Variants in SFI1 observed in about 807,000 individuals in gnomAD.
SFI1 encodes the protein protein SFI1 homolog.
SFI1 carries 195 observed loss-of-function variants against 207.5 expected under a neutral mutation model. The ratio of observed to expected loss-of-function variants is 0.94; its 90% confidence interval spans 0.84 to 1.06. The LOEUF (loss-of-function observed/expected upper bound fraction) is 1.06. SFI1 is among the 50% of genes least tolerant of loss of function. The pLI, the probability that SFI1 is intolerant of heterozygous loss-of-function variation, is 0.00. For synonymous variants in SFI1, 630 were observed against 598.9 expected (o/e 1.05, Z -0.76); for missense variants, 1,634 against 1,588.0 (o/e 1.03, Z -0.49).
In SFI1 at chr22:31,615,127, GC is replaced by G; in HGVS notation, c.3152del (p.Pro1051ArgfsTer136). 2 of 1,608,946 alleles carry G rather than the reference GC, an allele frequency of 1.2e-6. No homozygotes were observed. Among genetic ancestry groups the G allele is most frequent in the Non-Finnish European group, 8.5e-7 (1 of 1,178,012 alleles). On this transcript the variant is annotated frameshift_variant, in exon 29 of 33. Coordinates refer to ENST00000400288, the MANE Select transcript of SFI1 (RefSeq NM_001007467.3). LOFTEE classifies it high-confidence loss of function. ...CCTGACGCGGCCCTTCCTGGCAGAG[GC>G]CCCGACAGCACTGGTCCCACACAGC... Reference protein sequence around the residue: ...PSLTRPFLAEAPTALVPHSPL... With the variant: ...PSLTRPFLAEXPTALVPHSPL...
chr22:31,574,250 T>C (rs1351337217), intron 9 of SFI1, among the ~76,000 whole-genome samples: 5 of 152,214 alleles, frequency 3.3e-5, no homozygotes, highest in Admixed American at 6.5e-5. Flanking sequence ...AGAGTTTGAA[T>C]ATGTTCATTG....
intron 1 of SFI1, among the ~76,000 whole-genome samples, chr22:31,499,654 A>T (rs1247060608): frequency 6.6e-6 from 1 of 152,214 alleles, no homozygotes; most frequent in African/African-American, 2.4e-5. Flanking sequence ...ATAGCATTAC[A>T]TGCTATAGAG....
chr22:31,577,227 A>G (rs2063618514), intron 10 of SFI1, among the ~76,000 whole-genome samples: 1 of 152,220 alleles, frequency 6.6e-6, no homozygotes, highest in Non-Finnish European at 1.5e-5. Flanking sequence ...CAAGGAGGTA[A>G]TGTTTGTGCA....
chr22:31,589,576 A>G lies in SFI1; in HGVS notation c.1543A>G (p.Arg515Gly). 1.2e-6 allele frequency: 2 copies of G among 1,611,272 alleles called. No individual in the cohort carries two copies. Among genetic ancestry groups the G allele is most frequent in the South Asian group, 1.1e-5 (1 of 90,494 alleles). ...CAGTGCAAGAGCAACACGTTTCCAC[A>G]GGTATGTTGCGCAGCTCCTGTCTGC... is the stretch of plus-strand genomic sequence containing the variant. The part of the protein sequence containing the change: ...VLSARATRFH[R>G]ETLEKQVFSL... The change falls in exon 15 of 33, where the codon AGG (arginine) becomes GGG (glycine). Residue 515 changes from arginine (R) to glycine (G), a missense_variant and splice_region_variant. Transcript: ENST00000400288.
intron 1 of SFI1, among the ~76,000 whole-genome samples, chr22:31,503,868 C>T (rs888274970): frequency 2.0e-5 from 3 of 151,712 alleles, no homozygotes; most frequent in African/African-American, 7.3e-5. Context: ...GGATTACAGG[C>T]ATGCGCCACT....
At chr22:31,590,266 A>G (rs1029064107) in intron 15 of SFI1, among the ~76,000 whole-genome samples, 1 of 152,122 alleles carries the variant, frequency 6.6e-6, no homozygotes, top group Non-Finnish European at 1.5e-5. Flanking sequence ...CCAGTGGCCC[A>G]GTCAAGTTGA....
intron 1 of SFI1, among the ~76,000 whole-genome samples, chr22:31,505,649 C>T (rs2054522378): frequency 6.6e-6 from 1 of 151,790 alleles, no homozygotes; most frequent in Non-Finnish European, 1.5e-5. Context: ...CTTTGGGAGG[C>T]TAAGGTGGAT....
chr22:31,595,237 C>T (rs1013357643), intron 15 of SFI1, among the ~76,000 whole-genome samples: 2 of 152,074 alleles, frequency 1.3e-5, no homozygotes, highest in African/African-American at 4.8e-5. Context: ...ACCTCGTGAT[C>T]CACCCGCCTT....
intron 1 of SFI1, among the ~76,000 whole-genome samples, chr22:31,503,418 T>C (rs567193512): frequency 1.1e-4 from 16 of 152,216 alleles, no homozygotes; most frequent in African/African-American, 3.6e-4. Flanking sequence ...CCACTTCATT[T>C]TCCTTTCTTG....
At chr22:31,498,194 C>T (rs1036921668) in intron 1 of SFI1, among the ~76,000 whole-genome samples, 2 of 152,226 alleles carry the variant, frequency 1.3e-5, no homozygotes, top group South Asian at 4.1e-4. Context: ...ACTGGGGAGG[C>T]TGAGGCAGGA....
At chr22:31,601,106 C>G (rs2068021062) in intron 15 of SFI1, among the ~76,000 whole-genome samples, 1 of 150,498 alleles carries the variant, frequency 6.6e-6, no homozygotes, top group Non-Finnish European at 1.5e-5. Flanking sequence ...CAGTGGTTCC[C>G]AAACCTTTTT....
At chr22:31,578,592 G>T (rs183323857) in intron 11 of SFI1, 140 bp downstream of exon 11, 47 of 644,466 alleles carry the variant, frequency 7.3e-5, no homozygotes, top group Non-Finnish European at 1.2e-4. Context: ...TCCTTTCATT[G>T]TGGGTGTCCT....
At chr22:31,606,196 G>A in intron 20 of SFI1, 132 bp from the exon 21 acceptor site, 2 of 750,468 alleles carry the variant, frequency 2.7e-6, no homozygotes, top group Non-Finnish European at 4.4e-6. Flanking sequence ...CATAGGTGTT[G>A]GTGAAACAGA....
rs1198679089 is a variant in SFI1 at position 31,604,310 on chromosome 22, G to T, written c.1883G>T (p.Cys628Phe). 6.4e-7 allele frequency: 1 copy of T among 1,571,406 alleles called. No individual in the cohort carries two copies. Reference protein sequence around the residue: ...LRWAWSQWRECLALRGAERQK... With the variant: ...LRWAWSQWREFLALRGAERQK... ...AGCTGCTTTCTCCTCTGTCTGCAGT[G>T]CCTGGCCCTGCGGGGAGCGGAGCGG... The change falls in exon 19 of 33, where the codon TGC becomes TTC. Residue 628 changes from cysteine (C) to phenylalanine (F), a missense_variant and splice_region_variant. By Grantham distance (205) the Cys-to-Phe change is radical. Transcript: ENST00000400288.
rs59382278 is a variant in SFI1 at position 31,549,288 on chromosome 22, TAAAAAAA to T, written c.450-945_450-939del. Among the ~76,000 whole-genome samples, 10 of 37,216 alleles carry T rather than the reference TAAAAAAA, an allele frequency of 2.7e-4. No individual in the cohort carries two copies. In the South Asian group the frequency reaches 3.0e-3, roughly 11 times the overall value. The allele number at this position is 37,216 out of a possible 152,430, so 24.4% of individuals were successfully genotyped here. On this transcript the variant is annotated intron_variant, in intron 5 of 32. Coordinates refer to ENST00000400288, the MANE Select transcript of SFI1 (RefSeq NM_001007467.3). ...CTAGGTGACAGAGTGAGACCCTGTG[TAAAAAAA>T]AAAAAAAAAAAAAAAAAAAAGACAA... is the stretch of plus-strand genomic sequence containing the variant.
chr22:31,511,363 C>T (rs946176106), intron 2 of SFI1, among the ~76,000 whole-genome samples: 1 of 152,030 alleles, frequency 6.6e-6, no homozygotes, highest in Non-Finnish European at 1.5e-5. Context: ...ACTACATGGT[C>T]CGCAGAGTAC....
At chr22:31,593,569 A>C (rs2066506494) in intron 15 of SFI1, among the ~76,000 whole-genome samples, 1 of 114,920 alleles carries the variant, frequency 8.7e-6, no homozygotes, top group Admixed American at 8.8e-5. Context: ...CCAGGCAGAG[A>C]CACTCCTCAC....
At chr22:31,599,356 C>G (rs2067730722) in intron 15 of SFI1, among the ~76,000 whole-genome samples, 1 of 150,726 alleles carries the variant, frequency 6.6e-6, no homozygotes, top group Non-Finnish European at 1.5e-5. Context: ...GAATCTCGCT[C>G]TATTGCCAGG....
intron 21 of SFI1, among the ~76,000 whole-genome samples, chr22:31,607,278 T>A (rs2069194035): frequency 6.6e-6 from 1 of 152,144 alleles, no homozygotes; most frequent in Non-Finnish European, 1.5e-5. Context: ...TACAAAAGAA[T>A]GTATACGACG....
Sources: gnomAD v4.1 joint callset for allele counts (sites outside exome capture counted in the v4.1 genomes callset) on GRCh38, gnomAD v4.1.1 for gene constraint, MANE v1.5 for transcripts, NCBI Gene and HGNC (gene_info 2026-07-23, HGNC 2026-07-21) for gene names.